Variants in CYP7A1 observed in about 807,000 individuals in gnomAD.
CYP7A1 encodes the protein cytochrome P450 family 7 subfamily A member 1.
A neutral mutation model predicts 43.8 loss-of-function variants in CYP7A1; 28 were observed. That is an observed-to-expected ratio of 0.64 (90% confidence interval 0.47 to 0.88). The LOEUF is 0.88. Ranked by LOEUF, CYP7A1 falls within the 40% of genes least tolerant of loss-of-function variation. CYP7A1 has a pLI of 0.00. For missense variants in CYP7A1, 637 were observed against 611.9 expected, an observed-to-expected ratio of 1.04 and a Z score of -0.43; for synonymous variants, 227 against 222.5, an observed-to-expected ratio of 1.02 and a Z score of -0.18.
chr8:58,495,005 G>A (rs1809416283), intron 3 of CYP7A1, among the ~76,000 whole-genome samples: 1 of 151,592 alleles, frequency 6.6e-6, no homozygotes. Flanking sequence ...ATGGCAGTGG[G>A]ATCCTGTAAT....
chr8:58,491,779 AAT>A lies in CYP7A1; in HGVS notation c.1216-7_1216-6del. 6.2e-7 allele frequency: 1 copy of A among 1,611,800 alleles called. No individual in the cohort carries two copies. The highest frequency in any genetic ancestry group is 8.5e-7 in the Non-Finnish European group (1 of 1,178,264). ...ATACCTATCATATTTAAAAGTCTGC[AAT>A]AAAAATACAAAGAAAACCGCCTTTA... is the stretch of plus-strand genomic sequence containing the variant. On this transcript the variant is annotated splice_region_variant and splice_polypyrimidine_tract_variant and intron_variant, in intron 5 of 5. Coordinates refer to ENST00000301645, the MANE Select transcript of CYP7A1 (RefSeq NM_000780.4).
chr8:58,496,513 G>T, intron 3 of CYP7A1, 91 bp downstream of exon 3: 1 of 971,010 alleles, frequency 1.0e-6, no homozygotes, highest in Non-Finnish European at 1.6e-6. Context: ...GCATGATAAA[G>T]TACTACGAGG....
rs1809346766 is a variant in CYP7A1, at chr8:58,491,283, A to C, written c.*192T>G. 1.6e-6 allele frequency: 1 copy of C among 607,266 alleles called. No individual in the cohort carries two copies. The highest frequency in any genetic ancestry group is 2.9e-6 in the Non-Finnish European group (1 of 343,524). The allele number at this position is 607,266 out of a possible 1,614,324, so 37.6% of individuals were successfully genotyped here. On this transcript the variant is annotated 3_prime_UTR_variant, in exon 6 of 6. Coordinates refer to ENST00000301645, the MANE Select transcript of CYP7A1 (RefSeq NM_000780.4). Reference sequence around the variant, plus strand: ...CTCCTAGAAACTAGTTCTTTTCACTAGCAGAGTCTGTGATAGCATCTGGAA... The same window carrying C: ...CTCCTAGAAACTAGTTCTTTTCACTCGCAGAGTCTGTGATAGCATCTGGAA...
chr8:58,499,150 G>T (rs928456452), intron 1 of CYP7A1, among the ~76,000 whole-genome samples: 9 of 152,138 alleles, frequency 5.9e-5, no homozygotes, highest in African/African-American at 2.2e-4. Flanking sequence ...TGTACCTCTT[G>T]ATAGAATAAT....
chr8:58,492,268 T>A, intron 5 of CYP7A1, 85 bp downstream of exon 5: 1 of 1,164,864 alleles, frequency 8.6e-7, no homozygotes, highest in Non-Finnish European at 1.3e-6. Flanking sequence ...AATGATAAAA[T>A]CAATTCTACC....
At position 58,491,216 on chromosome 8, in the gene CYP7A1, T is replaced by A; in HGVS notation, c.*259A>T. 1 of 455,948 alleles carries A rather than the reference T, an allele frequency of 2.2e-6. No homozygotes were observed. The allele number at this position is 455,948 out of a possible 1,614,324, so 28.2% of individuals were successfully genotyped here. A position where few individuals can be genotyped will look rare whatever the true frequency, so the allele number is the denominator to read the frequency against. ...TAATAAACTTCAATCCCTGGCTATATGAACATTCATGGACTTATACAAATG... is the reference window on the plus strand; with the variant it reads ...TAATAAACTTCAATCCCTGGCTATAAGAACATTCATGGACTTATACAAATG... On this transcript the variant is annotated 3_prime_UTR_variant, in exon 6 of 6. Transcript: ENST00000301645.
intron 2 of CYP7A1, among the ~76,000 whole-genome samples, chr8:58,497,763 T>C (rs1809467411): frequency 6.6e-6 from 1 of 152,040 alleles, no homozygotes; most frequent in East Asian, 1.9e-4. Context: ...TAAGTAGTTA[T>C]TGGTTTTTTT....
chr8:58,491,372 C>T lies in CYP7A1; in HGVS notation c.*103G>A. 2 of 1,103,634 alleles carry T rather than the reference C, an allele frequency of 1.8e-6. No individual in the cohort carries two copies. The highest frequency in any genetic ancestry group is 2.0e-5 in the Admixed American group (1 of 50,500). 68.4% of individuals were successfully genotyped at this position (1,103,634 alleles called of 1,614,324 possible). ...GTGAACAACATTGGACCTGGTGAAT[C>T]ATTTCTACCACCACTAAATGCATTT... On this transcript the variant is annotated 3_prime_UTR_variant, in exon 6 of 6. Coordinates refer to ENST00000301645, the MANE Select transcript of CYP7A1 (RefSeq NM_000780.4).
chr8:58,498,185 G>C (rs756127511), intron 2 of CYP7A1, 44 bp downstream of exon 2: 3 of 1,608,444 alleles, frequency 1.9e-6, no homozygotes, highest in South Asian at 2.2e-5. Flanking sequence ...CACATAAAAA[G>C]GTAGAAGACA....
At chr8:58,496,546 G>C (rs1809444400) in intron 3 of CYP7A1, 58 bp downstream of exon 3, 1 of 1,386,050 alleles carries the variant, frequency 7.2e-7, no homozygotes, top group Non-Finnish European at 1.0e-6. Context: ...AAGTTAAAGT[G>C]GTTTAATTTC....
In CYP7A1 at chr8:58,492,386, C is replaced by A. The variant is rs750037867; in HGVS notation, c.1182G>T (p.Met394Ile). ...DDIIALYPQLMHLDPEIYPDP... is the reference protein window; with the variant it reads ...DDIIALYPQLIHLDPEIYPDP... Reference sequence around the variant, plus strand: ...CTGGGTAGATTTCTGGATCTAAGTGCATTAACTGTGGGTAAAGAGCTATGA... The same window carrying A: ...CTGGGTAGATTTCTGGATCTAAGTGAATTAACTGTGGGTAAAGAGCTATGA... Residue 394 changes from methionine (M) to isoleucine (I), a missense_variant, in exon 5 of 6, where the codon ATG becomes ATT. Met to Ile is a conservative substitution (Grantham distance 10). Coordinates refer to ENST00000301645, the MANE Select transcript of CYP7A1 (RefSeq NM_000780.4). 1.1e-5 allele frequency: 17 copies of A among 1,613,914 alleles called. No homozygotes were observed. Among genetic ancestry groups the A allele is most frequent in the Non-Finnish European group, 1.4e-5 (16 of 1,179,996 alleles).
chr8:58,492,248 C>T, intron 5 of CYP7A1, 105 bp downstream of exon 5: 1 of 1,063,508 alleles, frequency 9.4e-7, no homozygotes, highest in Non-Finnish European at 1.5e-6. Flanking sequence ...CAGACAATTC[C>T]TGTGACTACA....
At chr8:58,499,790 A>T (rs762957310) in intron 1 of CYP7A1, among the ~76,000 whole-genome samples, 2 of 152,172 alleles carry the variant, frequency 1.3e-5, no homozygotes, top group Non-Finnish European at 2.9e-5. Context: ...ACATTTATAT[A>T]TTACCATCGG....
At chr8:58,498,516 G>A (rs1328550217) in intron 1 of CYP7A1, 47 bp from the exon 2 acceptor site, 1 of 1,611,036 alleles carries the variant, frequency 6.2e-7, no homozygotes, top group Non-Finnish European at 8.5e-7. Context: ...ACAGTTTTGG[G>A]TTTTTACTTA....
intron 4 of CYP7A1, 108 bp from the exon 5 acceptor site, chr8:58,492,636 C>T (rs1809369869): frequency 6.8e-6 from 6 of 885,816 alleles, no homozygotes; most frequent in Non-Finnish European, 1.1e-5. Flanking sequence ...GTCTGAACTA[C>T]AGACAGCCTG....
At chr8:58,495,542 A>G (rs1429715632) in intron 3 of CYP7A1, among the ~76,000 whole-genome samples, 1 of 152,168 alleles carries the variant, frequency 6.6e-6, no homozygotes, top group Non-Finnish European at 1.5e-5. Flanking sequence ...CAGGGCTTTT[A>G]TAAATAAGTG....
Position 58,491,464 on chromosome 8 carries a change from C to T in CYP7A1, c.*11G>A. 1 of 1,612,526 alleles carries T rather than the reference C, an allele frequency of 6.2e-7. No individual in the cohort carries two copies. The highest frequency in any genetic ancestry group is 8.5e-7 in the Non-Finnish European group (1 of 1,178,888). ...AATATCATCTAGTGTCCTCTTATTCCAGCCATGTATTCACAAATGCTTGAA... is the reference window on the plus strand; with the variant it reads ...AATATCATCTAGTGTCCTCTTATTCTAGCCATGTATTCACAAATGCTTGAA... On this transcript the variant is annotated 3_prime_UTR_variant, in exon 6 of 6. Coordinates refer to ENST00000301645, the MANE Select transcript of CYP7A1 (RefSeq NM_000780.4).
Position 58,496,778 on chromosome 8 carries a change from T to G in CYP7A1, c.734A>C (p.Glu245Ala), listed in dbSNP as rs760969537. The G allele has an allele frequency of 1.9e-6, 3 of 1,614,214 alleles. No individual in the cohort carries two copies. Among genetic ancestry groups the G allele is most frequent in the Non-Finnish European group, 1.7e-6 (2 of 1,180,048 alleles). ...GATGCTTTCCCTCTTTTGGAGGTTCTCGTGCCTCAAGCTCTCTGCCAGTTT... is the reference window on the plus strand; with the variant it reads ...GATGCTTTCCCTCTTTTGGAGGTTCGCGTGCCTCAAGCTCTCTGCCAGTTT... ...REKLAESLRH[E>A]NLQKRESISE... The change falls in exon 3 of 6, where the codon GAG (glutamate) becomes GCG (alanine). Residue 245 changes from glutamate (E) to alanine (A), a missense_variant. Glu to Ala is a moderately radical substitution (Grantham distance 107, BLOSUM62 -1). Transcript: ENST00000301645.
chr8:58,492,566 G>C (rs1164409388), intron 4 of CYP7A1, 38 bp from the exon 5 acceptor site: 2 of 1,542,544 alleles, frequency 1.3e-6, no homozygotes, highest in Admixed American at 1.7e-5. Context: ...AAAAATGAAA[G>C]AAGGAAGGGA....
Sources: allele counts gnomAD v4.1 joint callset (sites outside exome capture counted in the v4.1 genomes callset), GRCh38; gene constraint gnomAD v4.1.1; transcripts MANE v1.5; gene names NCBI Gene and HGNC (gene_info 2026-07-23, HGNC 2026-07-21).